Variants in ZMIZ1 observed in about 807,000 individuals in gnomAD.
ZMIZ1 encodes the protein zinc finger MIZ domain-containing protein 1.
A neutral mutation model predicts 113.9 loss-of-function variants in ZMIZ1; 17 were observed. The observed-to-expected ratio is 0.15, with a 90% CI of 0.10 to 0.22. ZMIZ1 has a LOEUF of 0.22. Ranked by LOEUF, ZMIZ1 falls within the 10% of genes least tolerant of loss-of-function variation. The pLI is 1.00. For synonymous variants in ZMIZ1, 607 were observed against 603.1 expected, an observed-to-expected ratio of 1.01 and a Z score of -0.09; for missense variants, 1,059 against 1,477.8, an observed-to-expected ratio of 0.72 and a Z score of 4.65.
At chr10:79,300,064 A>G (rs1854185815) in intron 16 of ZMIZ1, among the ~76,000 whole-genome samples, 2 of 152,200 alleles carry the variant, frequency 1.3e-5, no homozygotes, top group Admixed American at 6.5e-5. Flanking sequence ...TGAGGTGGCC[A>G]CAGATAGCTG....
chr10:79,255,537 C>T (rs1004774959), intron 7 of ZMIZ1, among the ~76,000 whole-genome samples: 1 of 152,154 alleles, frequency 6.6e-6, no homozygotes, highest in Non-Finnish European at 1.5e-5. Flanking sequence ...GTCTTGAGCC[C>T]GGGCATTCAC....
intron 7 of ZMIZ1, among the ~76,000 whole-genome samples, chr10:79,249,363 C>T (rs909043892): frequency 1.3e-5 from 2 of 152,224 alleles, no homozygotes; most frequent in Admixed American, 6.5e-5. Context: ...ACAGGCGGTT[C>T]GTGACTTGCA....
intron 7 of ZMIZ1, among the ~76,000 whole-genome samples, chr10:79,236,234 C>T (rs576325907): frequency 1.0e-3 from 158 of 152,296 alleles, no homozygotes; most frequent in African/African-American, 3.8e-3. Context: ...CACTTTCTTC[C>T]GCTGCAAAGT....
intron 23 of ZMIZ1, 95 bp downstream of exon 23, chr10:79,307,666 G>A: frequency 3.5e-6 from 5 of 1,411,618 alleles, no homozygotes; most frequent in Non-Finnish European, 4.8e-6. Flanking sequence ...CAAGGCAGAG[G>A]ATGAAGAATT....
chr10:79,080,776 G>A (rs992384646), intron 1 of ZMIZ1, among the ~76,000 whole-genome samples: 1 of 152,100 alleles, frequency 6.6e-6, no homozygotes, highest in Admixed American at 6.5e-5. Context: ...CCTTTAGGCA[G>A]AAGGAGTGGG....
At chr10:79,090,672 C>T (rs2132224456) in intron 1 of ZMIZ1, among the ~76,000 whole-genome samples, 1 of 152,332 alleles carries the variant, frequency 6.6e-6, no homozygotes, top group African/African-American at 2.4e-5. Flanking sequence ...CAGCAGTGTG[C>T]AGCGGTGCGT....
chr10:79,122,919 T>C (rs1844360413), intron 2 of ZMIZ1, among the ~76,000 whole-genome samples: 1 of 152,206 alleles, frequency 6.6e-6, no homozygotes, highest in African/African-American at 2.4e-5. Flanking sequence ...CTCCAGCCCC[T>C]GGCCCAGGAG....
intron 4 of ZMIZ1, among the ~76,000 whole-genome samples, chr10:79,189,687 G>A (rs1319669861): frequency 6.6e-6 from 1 of 152,210 alleles, no homozygotes; most frequent in Non-Finnish European, 1.5e-5. Flanking sequence ...AACTCGTGAG[G>A]TTATAACACC....
At chr10:79,094,229 G>A (rs1360643984) in intron 1 of ZMIZ1, among the ~76,000 whole-genome samples, 7 of 152,056 alleles carry the variant, frequency 4.6e-5, no homozygotes, top group East Asian at 1.9e-4. Flanking sequence ...GGCTGCAGCC[G>A]GGCCTGTTTA....
At position 79,291,174 on chromosome 10, in the gene ZMIZ1, C is replaced by A; in HGVS notation, c.756C>A (p.Ala252=). 2.5e-6 allele frequency: 4 copies of A among 1,608,308 alleles called. No individual in the cohort carries two copies. Among genetic ancestry groups the A allele is most frequent in the Non-Finnish European group, 3.4e-6 (4 of 1,176,378 alleles). The change falls in exon 10 of 25, where the codon GCC becomes GCA. Residue 252 remains alanine (A), a splice_region_variant and synonymous_variant. Transcript: ENST00000334512. ...ACCCCGGCAGCGGGGGCTTTGGGGC[C>A]AGGTGAGCAGGGCTGACCTGTGGCA... is the stretch of plus-strand genomic sequence containing the variant. ...PNYPGSGGFG[A]SYPGGPNAPA...
At chr10:79,250,829 T>G (rs1850504947) in intron 7 of ZMIZ1, among the ~76,000 whole-genome samples, 1 of 152,104 alleles carries the variant, frequency 6.6e-6, no homozygotes, top group Admixed American at 6.5e-5. Flanking sequence ...GAGAGGAAAT[T>G]CTGGGAGCTG....
intron 7 of ZMIZ1, among the ~76,000 whole-genome samples, chr10:79,223,953 G>T (rs918599647): frequency 3.9e-5 from 6 of 152,182 alleles, no homozygotes; most frequent in African/African-American, 1.4e-4. Flanking sequence ...CAGCTGTGAT[G>T]GTCCCTGGGG....
intron 3 of ZMIZ1, among the ~76,000 whole-genome samples, chr10:79,142,894 A>G (rs1845334048): frequency 6.6e-6 from 1 of 152,144 alleles, no homozygotes; most frequent in South Asian, 2.1e-4. Context: ...GCAGCTCCCT[A>G]TTGAGCACCT....
chr10:79,250,719 G>A (rs138567087), intron 7 of ZMIZ1, among the ~76,000 whole-genome samples: 2 of 152,340 alleles, frequency 1.3e-5, no homozygotes, highest in African/African-American at 4.8e-5. Flanking sequence ...GGTGGCCCTT[G>A]GGGTCCAGCC....
chr10:79,253,930 A>G (rs1401558257), intron 7 of ZMIZ1, among the ~76,000 whole-genome samples: 1 of 152,032 alleles, frequency 6.6e-6, no homozygotes, highest in Non-Finnish European at 1.5e-5. Context: ...TCATGCACAC[A>G]CTCACTCATA....
chr10:79,143,425 A>G (rs1845353748), intron 3 of ZMIZ1, among the ~76,000 whole-genome samples: 1 of 152,034 alleles, frequency 6.6e-6, no homozygotes, highest in Non-Finnish European at 1.5e-5. Flanking sequence ...TCCACAGCAG[A>G]GTTGTGGGTC....
At chr10:79,220,838 G>A (rs1023768501) in intron 7 of ZMIZ1, among the ~76,000 whole-genome samples, 8 of 151,116 alleles carry the variant, frequency 5.3e-5, no homozygotes, top group Admixed American at 1.3e-4. Context: ...CTGTGTACAT[G>A]TGCATGTCTC....
At chr10:79,216,398 CCT>C (rs1752148014) in intron 7 of ZMIZ1, 124 bp downstream of exon 7, 1 of 774,872 alleles carries the variant, frequency 1.3e-6, no homozygotes, top group Non-Finnish European at 1.9e-6. Context: ...AGTGCGAACC[CCT>C]GAGGAAGAGC....
intron 4 of ZMIZ1, among the ~76,000 whole-genome samples, chr10:79,188,376 G>T (rs921911442): frequency 2.0e-5 from 3 of 152,292 alleles, no homozygotes; most frequent in Non-Finnish European, 4.4e-5. Context: ...GAAGTGTTCT[G>T]GGCCGCTCTT....
Sources: allele counts gnomAD v4.1 joint callset (sites outside exome capture counted in the v4.1 genomes callset), GRCh38; gene constraint gnomAD v4.1.1; transcripts MANE v1.5; gene names NCBI Gene and HGNC (gene_info 2026-07-23, HGNC 2026-07-21).